MTAP: variants seen among roughly 807,000 people sequenced by gnomAD.
The protein encoded by MTAP is S-methyl-5'-thioadenosine phosphorylase.
A neutral mutation model predicts 33.6 loss-of-function variants in MTAP; 33 were observed. That is an observed-to-expected ratio of 0.98 (90% CI 0.74 to 1.31). The LOEUF is 1.31. MTAP is among the 40% of genes most tolerant of loss of function. The probability of loss-of-function intolerance (pLI) is 0.00; values close to 1 mark genes in which losing one functional copy is unlikely to be tolerated. For missense variants in MTAP, 367 were observed against 360.0 expected, an observed-to-expected ratio of 1.02 and a Z score of -0.16; for synonymous variants, 148 against 125.7, an observed-to-expected ratio of 1.18 and a Z score of -1.19.
chr9:21,896,107 G>A (rs142339030), intron 1 of MTAP, among the ~76,000 whole-genome samples: 35 of 152,144 alleles, frequency 2.3e-4, no homozygotes, highest in South Asian at 1.2e-3. Context: ...ATTAAGAAAC[G>A]CACCCAAAAC....
chr9:21,818,509 G>A (rs889832069), intron 4 of MTAP, among the ~76,000 whole-genome samples: 6 of 151,912 alleles, frequency 3.9e-5, no homozygotes, highest in Non-Finnish European at 7.4e-5. Context: ...TGTATTTTTA[G>A]TAGAGATGGA....
rs190621922 is a variant in MTAP, at chr9:21,847,629, A to G, written c.451-7002A>G. On this transcript the variant is annotated intron_variant, in intron 5 of 7. Coordinates refer to ENST00000644715, the MANE Select transcript of MTAP (RefSeq NM_002451.4). The stretch of plus-strand genomic sequence containing the variant: ...CTGTACATAATACCTTTGACCATAT[A>G]TGGAGGACCAGGGAACATAATGAAG... Among the ~76,000 whole-genome samples, 584 of 152,344 alleles carry G rather than the reference A, an allele frequency of 3.8e-3. 6 individuals carry two copies. The highest frequency in any genetic ancestry group is 0.013 in the African/African-American group (557 of 41,582).
At chr9:21,852,136 C>G (rs918339052) in intron 5 of MTAP, among the ~76,000 whole-genome samples, 1 of 152,138 alleles carries the variant, frequency 6.6e-6, no homozygotes, top group Non-Finnish European at 1.5e-5. Context: ...AGTGAAGTAA[C>G]TCGGGAATGG....
intron 1 of MTAP, among the ~76,000 whole-genome samples, chr9:21,810,128 T>C (rs1824308813): frequency 1.3e-5 from 2 of 152,200 alleles, no homozygotes; most frequent in African/African-American, 4.8e-5. Context: ...GGGTAGCTTA[T>C]GCAACAGAAG....
intron 4 of MTAP, among the ~76,000 whole-genome samples, chr9:21,827,655 T>A (rs1229630861): frequency 6.6e-6 from 1 of 152,226 alleles, no homozygotes; most frequent in East Asian, 1.9e-4. Flanking sequence ...TCAAAGTCAC[T>A]TTCTGCCCAG....
At position 21,802,740 on chromosome 9, in the gene MTAP, C is replaced by T; in HGVS notation, c.-9C>T. 1.2e-6 allele frequency: 2 copies of T among 1,613,054 alleles called. No homozygotes were observed. Among genetic ancestry groups the T allele is most frequent in the Non-Finnish European group, 1.7e-6 (2 of 1,179,852 alleles). On this transcript the variant is annotated 5_prime_UTR_variant, in exon 1 of 8. Coordinates refer to ENST00000644715, the MANE Select transcript of MTAP (RefSeq NM_002451.4). ...GCTCGCCCACTGCAGATTCCTTTCC[C>T]GTGCAGACATGGCCTCTGGCACCAC... is the stretch of plus-strand genomic sequence containing the variant.
chr9:21,918,649 C>T (rs915027254), intron 1 of MTAP, among the ~76,000 whole-genome samples: 4 of 152,168 alleles, frequency 2.6e-5, no homozygotes, highest in Non-Finnish European at 4.4e-5. Flanking sequence ...ATGGAAGGGA[C>T]CTGGTGGCAG....
rs1480555894 is a variant in MTAP, at chr9:21,865,827, A to C, written c.*3813A>C. The C allele has an allele frequency of 1.0e-6, 1 of 993,446 alleles. No individual in the cohort carries two copies. The highest frequency in any genetic ancestry group is 1.7e-5 in the African/African-American group (1 of 57,716). The allele number at this position is 993,446 out of a possible 1,614,324, so 61.5% of individuals were successfully genotyped here. ...TTGAAGATTCACTCATGTTGCATGC[A>C]TCTGTAGCTTGTGCCTTTTTTATTG... On this transcript the variant is annotated 3_prime_UTR_variant, in exon 8 of 8. Transcript: ENST00000644715.
chr9:21,814,634 T>G (rs964529144), intron 1 of MTAP, among the ~76,000 whole-genome samples: 2 of 152,214 alleles, frequency 1.3e-5, no homozygotes, highest in African/African-American at 4.8e-5. Context: ...AGGATAGTGC[T>G]AGGTTTCTTT....
At chr9:21,856,920 T>A (rs1196877600) in intron 6 of MTAP, among the ~76,000 whole-genome samples, 1 of 152,238 alleles carries the variant, frequency 6.6e-6, no homozygotes, top group Admixed American at 6.5e-5. Context: ...GGGCTCTGGG[T>A]GAGGAGTGGA....
chr9:21,822,257 G>A (rs901186755), intron 4 of MTAP, among the ~76,000 whole-genome samples: 3 of 152,096 alleles, frequency 2.0e-5, no homozygotes, highest in Non-Finnish European at 4.4e-5. Context: ...GCTTTCTCTT[G>A]TGGGCATTTA....
intron 1 of MTAP, among the ~76,000 whole-genome samples, chr9:21,886,281 AG>A (rs1232564822): frequency 6.6e-6 from 1 of 151,890 alleles, no homozygotes; most frequent in East Asian, 1.9e-4. Context: ...TCATATCCTT[AG>A]CCCACATTTT....
At position 21,854,841 on chromosome 9, in the gene MTAP, T is replaced by G. The variant is rs138566956; in HGVS notation, c.661T>G (p.Tyr221Asp). Residue 221 changes from tyrosine to aspartate, a missense_variant, in exon 6 of 8, where the codon TAT becomes GAT. Physicochemically the swap from Tyr to Asp is radical, Grantham distance 160. Coordinates refer to ENST00000644715, the MANE Select transcript of MTAP (RefSeq NM_002451.4). The part of the protein sequence containing the change: ...CYASIAMATD[Y>D]DCWKEHEEAV... ...CGCAAGTATCGCCATGGCGACAGAT[T>G]ATGACTGCTGGAAGGAGCACGAGGA... The G allele has an allele frequency of 1.2e-6, 2 of 1,614,114 alleles. No individual in the cohort carries two copies. Among genetic ancestry groups the G allele is most frequent in the East Asian group, 4.5e-5 (2 of 44,876 alleles).
intron 6 of MTAP, among the ~76,000 whole-genome samples, chr9:21,858,546 C>T (rs1825685166): frequency 6.6e-6 from 1 of 152,128 alleles, no homozygotes; most frequent in African/African-American, 2.4e-5. Context: ...AGGAGAGGTG[C>T]TGTACACTTT....
chr9:21,814,605 A>C (rs1824431501), intron 1 of MTAP, among the ~76,000 whole-genome samples: 2 of 152,260 alleles, frequency 1.3e-5, no homozygotes, highest in South Asian at 4.1e-4. Context: ...CTTAATCATC[A>C]AATTAGATCA....
intron 7 of MTAP, chr9:21,859,973 A>G (rs940103570): frequency 6.6e-6 from 1 of 152,272 alleles, no homozygotes; most frequent in Non-Finnish European, 1.5e-5. Flanking sequence ...TTCTTTGGGC[A>G]CTTTGTGACT....
chr9:21,819,301 C>G (rs1349623218), intron 4 of MTAP, among the ~76,000 whole-genome samples: 2 of 152,166 alleles, frequency 1.3e-5, no homozygotes, highest in Non-Finnish European at 2.9e-5. Flanking sequence ...TCCCCCAACC[C>G]CACAAGAGGC....
intron 1 of MTAP, among the ~76,000 whole-genome samples, chr9:21,901,540 A>C (rs1818392944): frequency 6.6e-6 from 1 of 152,202 alleles, no homozygotes. Flanking sequence ...CTAGTTTTTC[A>C]TATGATTATT....
At chr9:21,829,180 C>T (rs1824900635) in intron 4 of MTAP, among the ~76,000 whole-genome samples, 1 of 152,120 alleles carries the variant, frequency 6.6e-6, no homozygotes, top group African/African-American at 2.4e-5. Context: ...CCATTTTTAG[C>T]CTGGGGTTTC....
Sources: gnomAD v4.1 joint callset for allele counts (sites outside exome capture counted in the v4.1 genomes callset) on GRCh38, gnomAD v4.1.1 for gene constraint, MANE v1.5 for transcripts, NCBI Gene and HGNC (gene_info 2026-07-23, HGNC 2026-07-21) for gene names.